Variants in ZMYM5 observed in about 807,000 individuals in gnomAD.
ZMYM5 encodes the protein zinc finger MYM-type containing 5, also known as zinc finger MYM-type protein 5.
A neutral mutation model predicts 61.8 loss-of-function variants in ZMYM5; 41 were observed. The observed-to-expected ratio is 0.66, with a 90% CI of 0.52 to 0.86. The LOEUF (loss-of-function observed/expected upper bound fraction) is 0.86. Among genes scored for constraint, ZMYM5 ranks in the 40% least tolerant of loss-of-function variants. The pLI, the probability that ZMYM5 is intolerant of heterozygous loss-of-function variation, is 0.00. For missense variants in ZMYM5, 706 were observed against 786.7 expected, an observed-to-expected ratio of 0.90 and a Z score of 1.23; for synonymous variants, 257 against 276.4, an observed-to-expected ratio of 0.93 and a Z score of 0.70.
intron 4 of ZMYM5, among the ~76,000 whole-genome samples, chr13:19,840,992 T>TA (rs1270084477): frequency 2.0e-5 from 2 of 101,528 alleles, no homozygotes; most frequent in African/African-American, 6.7e-5. Context: ...GGCCACTTTT[T>TA]ACTTTTTTTT....
At chr13:19,843,819 G>C (rs889925434) in intron 4 of ZMYM5, 1 of 148,786 alleles carries the variant, frequency 6.7e-6, no homozygotes, top group African/African-American at 2.5e-5. Flanking sequence ...CTGGGTGACA[G>C]AGTGAGACTC....
At chr13:19,837,916 G>C in intron 5 of ZMYM5, 95 bp from the exon 6 acceptor site, 1 of 1,344,888 alleles carries the variant, frequency 7.4e-7, no homozygotes, top group Non-Finnish European at 1.0e-6. Flanking sequence ...ATTTTCTTAT[G>C]ATTTAATACT....
At chr13:19,826,046 T>TAAAAAAAAAAAA (rs56181038) in intron 7 of ZMYM5, among the ~76,000 whole-genome samples, 1 of 118,890 alleles carries the variant, frequency 8.4e-6, no homozygotes. Context: ...ACTCCATGCT[T>TAAAAAAAAAAAA]AAAAAAAAAA....
At chr13:19,846,676 T>C (rs2138582647) in intron 4 of ZMYM5, among the ~76,000 whole-genome samples, 1 of 152,074 alleles carries the variant, frequency 6.6e-6, no homozygotes, top group Non-Finnish European at 1.5e-5. Flanking sequence ...ACAATGTTAT[T>C]AATACAAAGG....
Position 19,824,550 on chromosome 13 carries a change from TTA to T in ZMYM5, c.1935_1936del (p.Asn645LysfsTer4). The T allele has an allele frequency of 7.5e-7, 1 of 1,326,556 alleles. No individual in the cohort carries two copies. The highest frequency in any genetic ancestry group is 1.0e-6 in the Non-Finnish European group (1 of 1,004,998). The allele number at this position is 1,326,556 out of a possible 1,614,324, so 82.2% of individuals were successfully genotyped here. On this transcript the variant is annotated frameshift_variant, in exon 8 of 8. Coordinates refer to ENST00000337963, the MANE Select transcript of ZMYM5 (RefSeq NM_001142684.2). LOFTEE classifies it high-confidence loss of function. The stretch of plus-strand genomic sequence containing the variant: ...TCTGTGTTCTGCAGCATCAATAGCT[TTA>T]TTTTTTTTCAGATCAGATTTTAATT...
intron 4 of ZMYM5, among the ~76,000 whole-genome samples, chr13:19,848,281 A>G (rs1953156445): frequency 6.6e-6 from 1 of 151,944 alleles, no homozygotes; most frequent in South Asian, 2.1e-4. Flanking sequence ...CACCACACCC[A>G]GGTAATTATT....
At chr13:19,830,317 T>C (rs1024458781) in intron 7 of ZMYM5, among the ~76,000 whole-genome samples, 2 of 152,210 alleles carry the variant, frequency 1.3e-5, no homozygotes, top group Non-Finnish European at 2.9e-5. Context: ...AGCACATTTA[T>C]AAAATGTAAA....
intron 7 of ZMYM5, among the ~76,000 whole-genome samples, chr13:19,830,815 C>T (rs1265156620): frequency 6.6e-6 from 1 of 150,388 alleles, no homozygotes; most frequent in Non-Finnish European, 1.5e-5. Flanking sequence ...CCGGCCTTTG[C>T]CAACTGTTTA....
rs773185353 is a variant in ZMYM5, at chr13:19,851,850, C to T, written c.331G>A (p.Gly111Arg). ...PSSRDLASQK[G>R]NISETIVIDD... The stretch of plus-strand genomic sequence containing the variant: ...ATAACAATTGTCTCACTTATATTTC[C>T]TTTCTGAGATGCCAAATCTCTTGAA... Residue 111 changes from glycine to arginine, a missense_variant, in exon 3 of 8, where the codon GGA (glycine) becomes AGA (arginine). By Grantham distance (125) the Gly-to-Arg change is moderately radical. Transcript: ENST00000337963. The T allele has an allele frequency of 5.6e-6, 9 of 1,612,024 alleles. No homozygotes were observed. The highest frequency in any genetic ancestry group is 7.6e-6 in the Non-Finnish European group (9 of 1,179,644).
chr13:19,854,765 A>G (rs1953445127), intron 2 of ZMYM5, among the ~76,000 whole-genome samples: 1 of 152,130 alleles, frequency 6.6e-6, no homozygotes, highest in East Asian at 1.9e-4. Context: ...AGGAACTATT[A>G]CTTTTCCCAT....
intron 7 of ZMYM5, among the ~76,000 whole-genome samples, chr13:19,834,205 T>C (rs1269433317): frequency 6.6e-6 from 1 of 152,178 alleles, no homozygotes; most frequent in Non-Finnish European, 1.5e-5. Context: ...CTCCAACTCC[T>C]GACCTTAGGT....
intron 2 of ZMYM5, among the ~76,000 whole-genome samples, chr13:19,860,293 T>C (rs886164993): frequency 7.7e-6 from 1 of 130,676 alleles, no homozygotes; most frequent in Non-Finnish European, 1.6e-5. Context: ...ACCCGTTTAA[T>C]TTTTTTTTTT....
chr13:19,845,551 C>A (rs933608183), intron 4 of ZMYM5, among the ~76,000 whole-genome samples: 4 of 152,200 alleles, frequency 2.6e-5, no homozygotes, highest in African/African-American at 9.6e-5. Flanking sequence ...CAAGACTGCC[C>A]TCACTTCAGA....
At chr13:19,833,112 A>G (rs972321943) in intron 7 of ZMYM5, among the ~76,000 whole-genome samples, 2 of 152,182 alleles carry the variant, frequency 1.3e-5, no homozygotes, top group Non-Finnish European at 2.9e-5. Flanking sequence ...ATATGTAAAG[A>G]AAAAATAATT....
chr13:19,831,769 CAGAG>C (rs1411726727), intron 7 of ZMYM5, among the ~76,000 whole-genome samples: 1 of 98,338 alleles, frequency 1.0e-5, no homozygotes, highest in Non-Finnish European at 1.8e-5. Context: ...GCCTGGGTGA[CAGAG>C]AGAGACTCTG....
chr13:19,846,885 G>C (rs67915869), intron 4 of ZMYM5, among the ~76,000 whole-genome samples: 14,901 of 151,900 alleles, frequency 0.098, 856 homozygotes, highest in African/African-American at 0.16. Context: ...TATGATCATG[G>C]CACTGCACTC....
intron 2 of ZMYM5, among the ~76,000 whole-genome samples, chr13:19,855,280 T>A (rs535462622): frequency 6.6e-6 from 1 of 152,044 alleles, no homozygotes; most frequent in South Asian, 2.1e-4. Flanking sequence ...TTTTTTTTTT[T>A]AAGATGGAGT....
intron 1 of ZMYM5, among the ~76,000 whole-genome samples, chr13:19,863,008 G>A (rs1424770303): frequency 6.6e-6 from 1 of 152,230 alleles, no homozygotes; most frequent in Non-Finnish European, 1.5e-5. Context: ...GGACCCAGCG[G>A]GGCAGAGGCA....
intron 4 of ZMYM5, among the ~76,000 whole-genome samples, chr13:19,843,959 C>A (rs907346270): frequency 6.6e-6 from 1 of 151,564 alleles, no homozygotes; most frequent in African/African-American, 2.4e-5. Flanking sequence ...CATGGTGAAA[C>A]CCTGTCTCTT....
Sources: gnomAD v4.1 joint callset for allele counts (sites outside exome capture counted in the v4.1 genomes callset) on GRCh38, gnomAD v4.1.1 for gene constraint, MANE v1.5 for transcripts, NCBI Gene and HGNC (gene_info 2026-07-23, HGNC 2026-07-21) for gene names.